The following RESF1 variants were observed in gnomAD, a reference collection of about 807,000 sequenced individuals.
RESF1 encodes the protein gonad expressed transcript.
Under a neutral mutation model 134.7 loss-of-function variants are expected in RESF1, and 65 were observed. That is an observed-to-expected ratio of 0.48 (90% confidence interval 0.40 to 0.59). RESF1 has a LOEUF of 0.59. RESF1 is among the 20% of genes least tolerant of loss of function. The pLI is 0.00. For synonymous variants in RESF1, 762 were observed against 702.2 expected (o/e 1.09, Z -1.35); for missense variants, 2,274 against 2,002.7 (o/e 1.14, Z -2.59).
Position 31,961,960 on chromosome 12 carries a change from C to T in RESF1, c.-247+1089C>T, listed in dbSNP as rs114427619. On this transcript the variant is annotated intron_variant, in intron 2 of 5. Coordinates refer to ENST00000312561, the MANE Select transcript of RESF1 (RefSeq NM_018169.4). Reference sequence around the variant, plus strand: ...TTTGTAGGCCAGGTGTGGTGGCTCACGCCTATAATGCCAGCACTTTAAGAG... The same window carrying T: ...TTTGTAGGCCAGGTGTGGTGGCTCATGCCTATAATGCCAGCACTTTAAGAG... Among the ~76,000 whole-genome samples, 616 of 152,294 alleles carry T rather than the reference C, an allele frequency of 4.0e-3. 2 individuals are homozygous for T. The highest frequency in any genetic ancestry group is 0.013 in the African/African-American group (530 of 41,550).
intron 3 of RESF1, among the ~76,000 whole-genome samples, chr12:31,971,229 G>A (rs555622660): frequency 9.2e-4 from 140 of 152,182 alleles, no homozygotes; most frequent in African/African-American, 3.2e-3. Flanking sequence ...TGCAGCCTCC[G>A]CCTCCCGGAT....
intron 2 of RESF1, among the ~76,000 whole-genome samples, chr12:31,967,667 G>GTT (rs201845090): frequency 7.6e-5 from 4 of 52,620 alleles, no homozygotes; most frequent in Admixed American, 2.6e-4. Flanking sequence ...GGGGATTTTT[G>GTT]TTTTTTTTGT....
chr12:31,976,477 A>G (rs2120818043), intron 3 of RESF1, among the ~76,000 whole-genome samples: 1 of 152,300 alleles, frequency 6.6e-6, no homozygotes, highest in South Asian at 2.1e-4. Flanking sequence ...CAAGGTCAGG[A>G]GTTCGAGACC....
At chr12:31,986,066 G>A in intron 4 of RESF1, 109 bp downstream of exon 4, 1 of 584,986 alleles carries the variant, frequency 1.7e-6, no homozygotes, top group Non-Finnish European at 2.6e-6. Context: ...AGACTTTAAT[G>A]TGTTATGCCA....
intron 2 of RESF1, among the ~76,000 whole-genome samples, chr12:31,966,767 T>C (rs778862981): frequency 3.3e-5 from 5 of 152,216 alleles, no homozygotes; most frequent in Non-Finnish European, 7.3e-5. Context: ...GCAGGCACTT[T>C]TTAATCCAGT....
intron 3 of RESF1, among the ~76,000 whole-genome samples, chr12:31,980,390 C>A (rs566267000): frequency 1.3e-5 from 2 of 152,282 alleles, no homozygotes; most frequent in Admixed American, 1.3e-4. Context: ...GGATTACAGG[C>A]ATGAGCCACC....
Position 31,984,299 on chromosome 12 carries a change from AAG to A in RESF1, c.3346_3347del (p.Glu1116AsnfsTer4). 6.2e-7 allele frequency: 1 copy of A among 1,613,726 alleles called. No individual in the cohort carries two copies. The highest frequency in any genetic ancestry group is 8.5e-7 in the Non-Finnish European group (1 of 1,179,908). On this transcript the variant is annotated frameshift_variant, in exon 4 of 6. Coordinates refer to ENST00000312561, the MANE Select transcript of RESF1 (RefSeq NM_018169.4). LOFTEE classifies it high-confidence loss of function. The stretch of plus-strand genomic sequence containing the variant: ...ACAATATTAAGCTCAGAGCAAATGA[AAG>A]AAATATTTCCTGAACAGGATGATCA...
intron 2 of RESF1, among the ~76,000 whole-genome samples, chr12:31,962,180 C>G (rs566622936): frequency 6.7e-6 from 1 of 148,644 alleles, no homozygotes; most frequent in South Asian, 2.1e-4. Context: ...GTCACCCCAT[C>G]GTACTGCAGC....
chr12:31,983,599 A>G lies in RESF1; in HGVS notation c.2644A>G (p.Ser882Gly). Residue 882 changes from serine to glycine, a missense_variant, in exon 4 of 6, where the codon AGT becomes GGT. By Grantham distance (56) the Ser-to-Gly change is moderately conservative. Transcript: ENST00000312561. ...DQQISQESRN[S>G]TVVSSDTLQI... is the part of the protein sequence containing the mutation. ...GCAAATCTCACAGGAGTCAAGGAAT[A>G]GTACTGTTGTGAGTAGTGATACATT... 1 of 1,614,106 alleles carries G rather than the reference A, an allele frequency of 6.2e-7. No homozygotes were observed. The highest frequency in any genetic ancestry group is 8.5e-7 in the Non-Finnish European group (1 of 1,179,964).
At position 31,979,768 on chromosome 12, in the gene RESF1, G is replaced by A. The variant is rs1939731667; in HGVS notation, c.-78-1110G>A. 2.6e-5 allele frequency among the ~76,000 whole-genome samples: 4 copies of A among 151,164 alleles called. No homozygotes were observed. In the South Asian group the frequency reaches 8.4e-4, roughly 32 times the overall value. On this transcript the variant is annotated intron_variant, in intron 3 of 5. Transcript: ENST00000312561. ...GACAGGGTTTCACTATGTTTCCCAG[G>A]CTGGTCTTGAACTCCTGGGCTCAAG...
At chr12:31,969,198 T>C (rs988288591) in intron 2 of RESF1, among the ~76,000 whole-genome samples, 1 of 151,138 alleles carries the variant, frequency 6.6e-6, no homozygotes, top group Non-Finnish European at 1.5e-5. Flanking sequence ...TGCCTCAGCC[T>C]CTCAGCATGC....
At chr12:31,977,175 T>C (rs974300240) in intron 3 of RESF1, among the ~76,000 whole-genome samples, 7 of 152,126 alleles carry the variant, frequency 4.6e-5, no homozygotes, top group African/African-American at 1.4e-4. Context: ...CCCGAGGGCA[T>C]AAAGATATTC....
intron 4 of RESF1, 114 bp from the exon 5 acceptor site, chr12:31,987,125 G>GTTA (rs1171751866): frequency 1.6e-6 from 1 of 622,288 alleles, no homozygotes; most frequent in African/African-American, 1.9e-5. Context: ...GTTACATGTG[G>GTTA]TTATATCTAG....
chr12:31,987,180 A>ATAG, intron 4 of RESF1, 59 bp from the exon 5 acceptor site: 1 of 908,442 alleles, frequency 1.1e-6, no homozygotes, highest in South Asian at 1.5e-5. Flanking sequence ...TTCCTTTGTT[A>ATAG]TAGTACTAAA....
intron 2 of RESF1, among the ~76,000 whole-genome samples, chr12:31,963,364 T>C (rs34922084): frequency 0.11 from 16,683 of 151,092 alleles, 1,067 homozygotes; most frequent in East Asian, 0.22. Flanking sequence ...AAAAAGTTCA[T>C]GGAGCACAAC....
At chr12:31,971,365 T>A (rs1939503903) in intron 3 of RESF1, among the ~76,000 whole-genome samples, 1 of 152,138 alleles carries the variant, frequency 6.6e-6, no homozygotes. Context: ...TGGTATTGAA[T>A]TCCTGATCTC....
In RESF1 at chr12:31,980,968, G is replaced by A; in HGVS notation, c.13G>A (p.Glu5Lys). 6.2e-7 allele frequency: 1 copy of A among 1,600,512 alleles called. No homozygotes were observed. Among genetic ancestry groups the A allele is most frequent in the African/African-American group, 1.3e-5 (1 of 74,392 alleles). Residue 5 changes from glutamate to lysine, a missense_variant, in exon 4 of 6, where the codon GAA (glutamate) becomes AAA (lysine). By Grantham distance (56) the Glu-to-Lys change is moderately conservative (BLOSUM62 1). Coordinates refer to ENST00000312561, the MANE Select transcript of RESF1 (RefSeq NM_018169.4). ...TATCAAACCGACAATGAATTGGAAT[G>A]AAAAACCAAAGAGTGCTACATTACC... is the stretch of plus-strand genomic sequence containing the variant. MNWN[E>K]KPKSATLPPL...
At chr12:31,979,134 A>T (rs955869737) in intron 3 of RESF1, among the ~76,000 whole-genome samples, 2 of 151,940 alleles carry the variant, frequency 1.3e-5, no homozygotes, top group Non-Finnish European at 2.9e-5. Context: ...GTTAGCCAGG[A>T]TGGTCTCGAT....
Position 31,982,990 on chromosome 12 carries a change from C to T in RESF1, c.2035C>T (p.Leu679=), listed in dbSNP as rs759972208. 4 of 1,614,090 alleles carry T rather than the reference C, an allele frequency of 2.5e-6. No individual in the cohort carries two copies. Among genetic ancestry groups the T allele is most frequent in the Admixed American group, 3.3e-5 (2 of 60,016 alleles). Residue 679 remains leucine, a synonymous_variant, in exon 4 of 6, where the codon CTG becomes TTG. Coordinates refer to ENST00000312561, the MANE Select transcript of RESF1 (RefSeq NM_018169.4). ...GGAAGTGCTAGCAACCTGTCTTTCC[C>T]TGTGGAAAAAGCAACCTTCAGATAC... ...SMEVLATCLS[L]WKKQPSDTAK...
Sources: allele counts gnomAD v4.1 joint callset (sites outside exome capture counted in the v4.1 genomes callset), GRCh38; gene constraint gnomAD v4.1.1; transcripts MANE v1.5; gene names NCBI Gene and HGNC (gene_info 2026-07-23, HGNC 2026-07-21).